The following LONRF2 variants were observed in gnomAD, a reference collection of about 807,000 sequenced individuals.
LONRF2 encodes LON peptidase N-terminal domain and RING finger protein 2.
In LONRF2, 35 loss-of-function variants were observed where a neutral mutation model predicts 66.6. The ratio of observed to expected loss-of-function variants is 0.53; its 90% CI spans 0.40 to 0.70. The LOEUF (loss-of-function observed/expected upper bound fraction) is 0.70, where lower values mean the gene tolerates loss of function less well. LONRF2 is among the 30% of genes least tolerant of loss of function. LONRF2 has a pLI of 0.00. For synonymous variants in LONRF2, 417 were observed against 418.1 expected (o/e 1.00, Z 0.03); for missense variants, 902 against 1,002.1 (o/e 0.90, Z 1.35).
Position 100,285,958 on chromosome 2 carries a change from G to A in LONRF2, c.2070+956C>T, listed in dbSNP as rs542667009. ...TTTGGTTAATAAACAACAACTCCTAGGAAAAAGAATGACTCATATCCTAAT... is the reference window on the plus strand; with the variant it reads ...TTTGGTTAATAAACAACAACTCCTAAGAAAAAGAATGACTCATATCCTAAT... On this transcript the variant is annotated intron_variant, in intron 11 of 11. Coordinates refer to ENST00000393437, the MANE Select transcript of LONRF2 (RefSeq NM_198461.4). Among the ~76,000 whole-genome samples the A allele has an allele frequency of 1.6e-4, 24 of 152,252 alleles. No individual in the cohort carries two copies. The South Asian group carries it at 4.8e-3, about 30-fold the overall frequency.
chr2:100,285,089 T>C (rs930657058), intron 11 of LONRF2, among the ~76,000 whole-genome samples: 8 of 152,252 alleles, frequency 5.3e-5, no homozygotes, highest in African/African-American at 1.9e-4. Flanking sequence ...AAGCCGATCA[T>C]AAACTCGTTC....
intron 9 of LONRF2, among the ~76,000 whole-genome samples, chr2:100,292,342 G>A (rs1674979292): frequency 6.6e-6 from 1 of 152,198 alleles, no homozygotes; most frequent in Admixed American, 6.5e-5. Flanking sequence ...CCCTTCGTGA[G>A]TGCAGCTCTC....
rs183015358 is a variant in LONRF2 at position 100,306,975 on chromosome 2, C to T, written c.798+2132G>A. Among the ~76,000 whole-genome samples, 435 of 144,456 alleles carry T rather than the reference C, an allele frequency of 3.0e-3. 4 individuals are homozygous for T. The highest frequency in any genetic ancestry group is 0.011 in the African/African-American group (417 of 38,468). 94.8% of individuals were successfully genotyped at this position (144,456 alleles called of 152,430 possible). ...TCGCTCTGTTGCCCAGGCTGGAGTG[C>T]AGTGGTGCTATCTCGGCTCACTGCA... On this transcript the variant is annotated intron_variant, in intron 2 of 11. Coordinates refer to ENST00000393437, the MANE Select transcript of LONRF2 (RefSeq NM_198461.4).
chr2:100,297,254 G>A (rs1450157807), intron 7 of LONRF2, among the ~76,000 whole-genome samples: 4 of 151,808 alleles, frequency 2.6e-5, no homozygotes, highest in African/African-American at 7.3e-5. Flanking sequence ...TCAGCCTCCC[G>A]AGCAGCTGGG....
intron 6 of LONRF2, 119 bp downstream of exon 6, chr2:100,299,107 A>G: frequency 2.3e-6 from 2 of 857,768 alleles, no homozygotes; most frequent in East Asian, 2.7e-5. Flanking sequence ...TAGAAAATAA[A>G]TCAATTATTA....
At position 100,280,823 on chromosome 2, in the gene LONRF2, T is replaced by G. The variant is rs998296747; in HGVS notation, c.*3475A>C. 6.6e-6 allele frequency: 1 copy of G among 152,124 alleles called. No homozygotes were observed. Among genetic ancestry groups the G allele is most frequent in the Non-Finnish European group, 1.5e-5 (1 of 68,008 alleles). 9.4% of individuals were successfully genotyped at this position (152,124 alleles called of 1,614,324 possible). A position where few individuals can be genotyped will look rare whatever the true frequency, so the allele number is the denominator to read the frequency against. On this transcript the variant is annotated 3_prime_UTR_variant, in exon 12 of 12. Transcript: ENST00000393437. Reference sequence around the variant, plus strand: ...GGATACAGGGACCTCCCTACCCTACTCAATAGTTATACTGGGGAAAAATAA... The same window carrying G: ...GGATACAGGGACCTCCCTACCCTACGCAATAGTTATACTGGGGAAAAATAA...
chr2:100,299,849 G>T lies in LONRF2; in HGVS notation c.1135C>A (p.His379Asn), dbSNP rs779861748. The T allele has an allele frequency of 1.9e-6, 3 of 1,612,346 alleles. No homozygotes were observed. The African/African-American group carries it at 4.0e-5, about 22-fold the overall frequency. The change falls in exon 5 of 12, where the codon CAC (histidine) becomes AAC (asparagine). Residue 379 changes from histidine (H) to asparagine (N), a missense_variant. His to Asn is a moderately conservative substitution (Grantham distance 68, BLOSUM62 1). Transcript: ENST00000393437. The part of the protein sequence containing the change: ...SSVLYFILGL[H>N]FEEDKKALES... ...AACGCCTTTTTATCCTCTTCAAAGT[G>T]TAGACCCAGTATAAAATACAAAACT...
At chr2:100,321,366 T>C (rs1283649217) in intron 1 of LONRF2, 49 bp downstream of exon 1, 5 of 1,357,006 alleles carry the variant, frequency 3.7e-6, no homozygotes, top group Non-Finnish European at 4.7e-6. Flanking sequence ...ACCCCGCTGC[T>C]GGGCCGGACA....
rs1361736486 is a variant in LONRF2 at position 100,280,594 on chromosome 2, T to G, written c.*3704A>C. ...TTCGAGACCAGCCTGACCAACATGG[T>G]GAAACCCCATCTCTACTAAAAAAAA... On this transcript the variant is annotated 3_prime_UTR_variant, in exon 12 of 12. Coordinates refer to ENST00000393437, the MANE Select transcript of LONRF2 (RefSeq NM_198461.4). 6.6e-6 allele frequency: 1 copy of G among 151,344 alleles called. No homozygotes were observed. The highest frequency in any genetic ancestry group is 2.4e-5 in the African/African-American group (1 of 41,114). The allele number at this position is 151,344 out of a possible 1,614,324, so 9.4% of individuals were successfully genotyped here. A position where few individuals can be genotyped will look rare whatever the true frequency, so the allele number is the denominator to read the frequency against.
intron 1 of LONRF2, among the ~76,000 whole-genome samples, chr2:100,320,980 T>C (rs1675609850): frequency 6.6e-6 from 1 of 152,206 alleles, no homozygotes. Flanking sequence ...AGGCGGTTCC[T>C]TCCTGGCTAT....
At chr2:100,289,985 C>T (rs748624365) in intron 10 of LONRF2, among the ~76,000 whole-genome samples, 1 of 152,114 alleles carries the variant, frequency 6.6e-6, no homozygotes, top group Admixed American at 6.6e-5. Context: ...TGTGCACCTA[C>T]AGTCCCAGCT....
Position 100,290,440 on chromosome 2 carries a change from A to T in LONRF2, c.1758-20T>A, listed in dbSNP as rs1386281598. 2 of 1,586,562 alleles carry T rather than the reference A, an allele frequency of 1.3e-6. No individual in the cohort carries two copies. The highest frequency in any genetic ancestry group is 2.7e-5 in the African/African-American group (2 of 73,508). ...GAAAGCCTGAAAAGACAGTTAGGAG[A>T]AATGACTGTGATTTTTAAAATGCAG... is the stretch of plus-strand genomic sequence containing the variant. On this transcript the variant is annotated intron_variant, in intron 9 of 11. Coordinates refer to ENST00000393437, the MANE Select transcript of LONRF2 (RefSeq NM_198461.4).
chr2:100,311,372 GA>G (rs1181013236), intron 1 of LONRF2, among the ~76,000 whole-genome samples: 12,746 of 149,738 alleles, frequency 0.085, 1,719 homozygotes, highest in African/African-American at 0.29. Context: ...AAAAATTTTG[GA>G]AAAAAAAAAT....
At chr2:100,311,323 C>T (rs76250302) in intron 1 of LONRF2, among the ~76,000 whole-genome samples, 4,145 of 151,078 alleles carry the variant, frequency 0.027, 91 homozygotes, top group Non-Finnish European at 0.041. Flanking sequence ...TACTATAATG[C>T]TGATTTTTTT....
intron 1 of LONRF2, among the ~76,000 whole-genome samples, chr2:100,311,262 T>C (rs549841383): frequency 6.6e-6 from 1 of 152,248 alleles, no homozygotes; most frequent in East Asian, 1.9e-4. Flanking sequence ...CAATTCTCCT[T>C]TGGAGATTTC....
intron 1 of LONRF2, among the ~76,000 whole-genome samples, chr2:100,316,318 CAA>C (rs57110532): frequency 0.016 from 1,659 of 100,906 alleles, 12 homozygotes; most frequent in African/African-American, 0.044. Context: ...GACTCCATCT[CAA>C]AAAAAAAAAA....
intron 4 of LONRF2, 100 bp from the exon 5 acceptor site, chr2:100,300,018 A>G (rs1573117508): frequency 5.3e-6 from 2 of 379,512 alleles, no homozygotes; most frequent in Non-Finnish European, 9.1e-6. Context: ...TGGAAAAAAA[A>G]AGGGGGGGGC....
At chr2:100,294,088 T>C (rs749311273) in intron 9 of LONRF2, 141 bp downstream of exon 9, 6 of 882,050 alleles carry the variant, frequency 6.8e-6, no homozygotes, top group Non-Finnish European at 1.0e-5. Context: ...GACTGCATTG[T>C]GGGCAGCCTT....
chr2:100,318,686 C>T lies in LONRF2; in HGVS notation c.679+2729G>A, dbSNP rs139692798. Among the ~76,000 whole-genome samples, 225 of 151,492 alleles carry T rather than the reference C, an allele frequency of 1.5e-3. 2 individuals are homozygous for T. The highest frequency in any genetic ancestry group is 4.7e-3 in the Admixed American group (71 of 15,180). ...ACTAAACACACACACAAAAAAAATACGAGGCATGGTGGTGCATGCCTGTAA... is the reference window on the plus strand; with the variant it reads ...ACTAAACACACACACAAAAAAAATATGAGGCATGGTGGTGCATGCCTGTAA... On this transcript the variant is annotated intron_variant, in intron 1 of 11. Coordinates refer to ENST00000393437, the MANE Select transcript of LONRF2 (RefSeq NM_198461.4).
Sources: gnomAD v4.1 joint callset for allele counts (sites outside exome capture counted in the v4.1 genomes callset) on GRCh38, gnomAD v4.1.1 for gene constraint, MANE v1.5 for transcripts, NCBI Gene and HGNC (gene_info 2026-07-23, HGNC 2026-07-21) for gene names.